The following GPATCH8 variants were observed in gnomAD, a reference collection of about 807,000 sequenced individuals.
GPATCH8 encodes G-patch domain containing 8.
GPATCH8 carries 18 observed loss-of-function variants against 118.3 expected under a neutral mutation model. That is an observed-to-expected ratio of 0.15 (90% CI 0.11 to 0.23). GPATCH8 has a LOEUF of 0.23. Among genes scored for constraint, GPATCH8 ranks in the 10% least tolerant of loss-of-function variants. GPATCH8 has a pLI of 1.00. For synonymous variants in GPATCH8, 659 were observed against 684.7 expected (o/e 0.96, Z 0.59); for missense variants, 1,631 against 1,873.8 (o/e 0.87, Z 2.39).
chr17:44,502,412 A>G (rs1202600325), intron 1 of GPATCH8, among the ~76,000 whole-genome samples: 2 of 151,558 alleles, frequency 1.3e-5, no homozygotes, highest in Non-Finnish European at 2.9e-5. Flanking sequence ...GAAATAGCCA[A>G]TCTCTACTAA....
rs2049159181 is a variant in GPATCH8, at chr17:44,404,856, T to C, written c.623+1065A>G. On this transcript the variant is annotated intron_variant, in intron 7 of 7. Coordinates refer to ENST00000591680, the MANE Select transcript of GPATCH8 (RefSeq NM_001002909.4). ...CAGGTTGCCACTCATATGTGGAAGC[T>C]TAAAAAAAAAAGTTGATCTCATAGA... Among the ~76,000 whole-genome samples, 3 of 151,840 alleles carry C rather than the reference T, an allele frequency of 2.0e-5. No homozygotes were observed. The South Asian group carries it at 6.2e-4, about 31-fold the overall frequency.
At chr17:44,501,002 A>T (rs1970019348) in intron 1 of GPATCH8, among the ~76,000 whole-genome samples, 1 of 152,244 alleles carries the variant, frequency 6.6e-6, no homozygotes, top group African/African-American at 2.4e-5. Flanking sequence ...TTTATTTTTC[A>T]ATGAATGTAC....
At chr17:44,498,425 T>C (rs1320102523) in intron 1 of GPATCH8, among the ~76,000 whole-genome samples, 2 of 152,216 alleles carry the variant, frequency 1.3e-5, no homozygotes, top group Non-Finnish European at 2.9e-5. Flanking sequence ...AGTCTCTCTC[T>C]GTGATGTTGA....
At position 44,456,365 on chromosome 17, in the gene GPATCH8, C is replaced by T. The variant is rs185835869; in HGVS notation, c.193+8107G>A. Among the ~76,000 whole-genome samples the T allele has an allele frequency of 1.3e-4, 20 of 152,352 alleles. 1 individual carries two copies. The East Asian group carries it at 3.7e-3, about 28-fold the overall frequency. ...TCCTGGCCTCAAGCTACCCTCCTGCCTCAGCCTCCCAAAGTGTTGGGATTA... is the reference window on the plus strand; with the variant it reads ...TCCTGGCCTCAAGCTACCCTCCTGCTTCAGCCTCCCAAAGTGTTGGGATTA... On this transcript the variant is annotated intron_variant, in intron 3 of 7. Coordinates refer to ENST00000591680, the MANE Select transcript of GPATCH8 (RefSeq NM_001002909.4).
In GPATCH8 at chr17:44,397,678, G is replaced by C; in HGVS notation, c.4399C>G (p.Leu1467Val). The change falls in exon 8 of 8, where the codon CTT (leucine) becomes GTT (valine). Residue 1467 changes from leucine to valine, a missense_variant. This residue lies in a region of GPATCH8 where 65 missense variants were observed against 105.3 expected (regional missense o/e 0.62). Coordinates refer to ENST00000591680, the MANE Select transcript of GPATCH8 (RefSeq NM_001002909.4). ...VPHAALYPTL[L>V]APRPAAAAAT... ...GCTGCTGCAGCAGGCCGTGGAGCAA[G>C]TAGGGTGGGGTAGAGGGCAGCATGT... 6.2e-7 allele frequency: 1 copy of C among 1,612,910 alleles called. No homozygotes were observed. The highest frequency in any genetic ancestry group is 8.5e-7 in the Non-Finnish European group (1 of 1,179,156).
intron 3 of GPATCH8, among the ~76,000 whole-genome samples, 186 bp downstream of exon 3, chr17:44,464,286 T>C (rs1382730142): frequency 6.6e-6 from 1 of 152,220 alleles, no homozygotes. Context: ...TGCAAATTAC[T>C]GGCAAATATA....
At chr17:44,494,451 G>A (rs1161240288) in intron 1 of GPATCH8, among the ~76,000 whole-genome samples, 2 of 152,132 alleles carry the variant, frequency 1.3e-5, no homozygotes, top group African/African-American at 4.8e-5. Flanking sequence ...AATTAGCCGG[G>A]CATGTTGGCA....
At chr17:44,498,152 G>C (rs562278879) in intron 1 of GPATCH8, among the ~76,000 whole-genome samples, 1 of 152,216 alleles carries the variant, frequency 6.6e-6, no homozygotes, top group East Asian at 1.9e-4. Context: ...AAACTGTGAT[G>C]AAAGAATCCC....
chr17:44,428,774 T>C (rs1031206330), intron 5 of GPATCH8, among the ~76,000 whole-genome samples: 1 of 151,938 alleles, frequency 6.6e-6, no homozygotes, highest in Non-Finnish European at 1.5e-5. Flanking sequence ...ACCGCACTTC[T>C]AGGTGACAGA....
chr17:44,433,222 T>A (rs1223330868), intron 5 of GPATCH8, among the ~76,000 whole-genome samples: 1 of 152,208 alleles, frequency 6.6e-6, no homozygotes, highest in Non-Finnish European at 1.5e-5. Context: ...TATTTTTCAC[T>A]CGACAGTGTA....
At position 44,398,086 on chromosome 17, in the gene GPATCH8, T is replaced by C; in HGVS notation, c.3991A>G (p.Ile1331Val). 1 of 1,614,022 alleles carries C rather than the reference T, an allele frequency of 6.2e-7. No individual in the cohort carries two copies. The highest frequency in any genetic ancestry group is 8.5e-7 in the Non-Finnish European group (1 of 1,179,950). Residue 1331 changes from isoleucine (I) to valine (V), a missense_variant, in exon 8 of 8, where the codon ATC (isoleucine) becomes GTC (valine). Ile to Val is a conservative substitution (Grantham distance 29). Coordinates refer to ENST00000591680, the MANE Select transcript of GPATCH8 (RefSeq NM_001002909.4). ...SKLQQAAQQHIQQQLLAKQVK... is the reference protein window; with the variant it reads ...SKLQQAAQQHVQQQLLAKQVK... ...TGCTTGGCCAGAAGCTGCTGCTGGA[T>C]GTGTTGCTGAGCAGCCTGCTGGAGC...
At chr17:44,418,672 C>T (rs1384650616) in intron 6 of GPATCH8, among the ~76,000 whole-genome samples, 4 of 151,982 alleles carry the variant, frequency 2.6e-5, no homozygotes, top group Non-Finnish European at 2.9e-5. Flanking sequence ...AGGATGGTCT[C>T]GATCTCCTGA....
At chr17:44,496,864 C>G (rs1969701202) in intron 1 of GPATCH8, among the ~76,000 whole-genome samples, 2 of 152,178 alleles carry the variant, frequency 1.3e-5, no homozygotes, top group Admixed American at 1.3e-4. Flanking sequence ...TTTGCATTGA[C>G]TAATACGATA....
intron 1 of GPATCH8, among the ~76,000 whole-genome samples, chr17:44,500,689 T>C (rs1969990876): frequency 6.6e-6 from 1 of 152,176 alleles, no homozygotes; most frequent in Admixed American, 6.5e-5. Flanking sequence ...ATCTCGAACT[T>C]ACCAGAGAAG....
intron 3 of GPATCH8, among the ~76,000 whole-genome samples, chr17:44,457,844 G>A (rs2051392184): frequency 6.6e-6 from 1 of 152,096 alleles, no homozygotes; most frequent in South Asian, 2.1e-4. Flanking sequence ...CACTTTGGGA[G>A]GCCGAGGTGG....
At chr17:44,450,095 T>C (rs1598522099) in intron 3 of GPATCH8, among the ~76,000 whole-genome samples, 1 of 152,174 alleles carries the variant, frequency 6.6e-6, no homozygotes, top group African/African-American at 2.4e-5. Flanking sequence ...ATATGGAGGG[T>C]ATAGCAAGGT....
At chr17:44,474,131 A>C (rs1274172364) in intron 2 of GPATCH8, among the ~76,000 whole-genome samples, 1 of 152,210 alleles carries the variant, frequency 6.6e-6, no homozygotes, top group East Asian at 1.9e-4. Context: ...TGACAAGTTT[A>C]GACATTTTAA....
chr17:44,407,568 TA>T (rs2049277723), intron 6 of GPATCH8, among the ~76,000 whole-genome samples: 1 of 152,112 alleles, frequency 6.6e-6, no homozygotes, highest in Admixed American at 6.5e-5. Context: ...ATTATGGTAT[TA>T]AAAAGCAGTC....
At chr17:44,411,503 T>C (rs1214332829) in intron 6 of GPATCH8, among the ~76,000 whole-genome samples, 2 of 152,210 alleles carry the variant, frequency 1.3e-5, no homozygotes, top group Non-Finnish European at 2.9e-5. Context: ...TAAAATTGAT[T>C]ATCTACATTT....
Sources: gnomAD v4.1 joint callset for allele counts (sites outside exome capture counted in the v4.1 genomes callset) on GRCh38, gnomAD v4.1.1 for gene constraint, gnomAD v4.1.1 regional missense constraint, MANE v1.5 for transcripts, NCBI Gene and HGNC (gene_info 2026-07-23, HGNC 2026-07-21) for gene names.